The following SPATA20 variants were observed in gnomAD, a reference collection of about 807,000 sequenced individuals.
SPATA20 encodes the protein spermatogenesis-associated protein 20.
Under a neutral mutation model 98.9 loss-of-function variants are expected in SPATA20, and 74 were observed. That is an observed-to-expected ratio of 0.75 (90% CI 0.62 to 0.91). The LOEUF (loss-of-function observed/expected upper bound fraction) is 0.91, where lower values mean the gene tolerates loss of function less well. Ranked by LOEUF, SPATA20 falls within the 40% of genes least tolerant of loss-of-function variation. The pLI is 0.00. For synonymous variants in SPATA20, 430 were observed against 440.5 expected (o/e 0.98, Z 0.30); for missense variants, 1,016 against 1,069.8 (o/e 0.95, Z 0.70).
rs747881694 is a variant in SPATA20 at position 50,551,215 on chromosome 17, GCC to G, written c.1576+26_1576+27del. ...GGTGGGGCAGCACACCTGAGACCGAGCCTGTCTGTAGGATCCCCCTTCACAAA... is the reference window on the plus strand; with the variant it reads ...GGTGGGGCAGCACACCTGAGACCGAGTGTCTGTAGGATCCCCCTTCACAAA... On this transcript the variant is annotated intron_variant, in intron 12 of 16. Coordinates refer to ENST00000006658, the MANE Select transcript of SPATA20 (RefSeq NM_022827.4). The G allele has an allele frequency of 5.0e-6, 8 of 1,590,596 alleles. No homozygotes were observed. The Admixed American group carries it at 5.1e-5, about 10-fold the overall frequency.
Position 50,549,145 on chromosome 17 carries a change from C to G in SPATA20, c.619C>G (p.Arg207Gly). 2 of 1,609,556 alleles carry G rather than the reference C, an allele frequency of 1.2e-6. No individual in the cohort carries two copies. The highest frequency in any genetic ancestry group is 8.5e-7 in the Non-Finnish European group (1 of 1,177,680). Residue 207 changes from arginine to glycine, a missense_variant, in exon 6 of 17, where the codon CGA (arginine) becomes GGA (glycine). By Grantham distance (125) the Arg-to-Gly change is moderately radical. Transcript: ENST00000006658. ...TYFPPEDGLT[R>G]VGFRTVLLRI... ...TTTCCCTCCTGAGGATGGCTTGACC[C>G]GAGTCGGCTTCCGCACAGTGTTGCT...
At chr17:50,547,615 C>T (rs778316090) in intron 1 of SPATA20, 105 bp from the exon 2 acceptor site, 5 of 756,622 alleles carry the variant, frequency 6.6e-6, no homozygotes, top group African/African-American at 3.4e-5. Context: ...CAATAGTACC[C>T]TGTGCCCTGT....
chr17:50,555,777 G>T lies in SPATA20; in HGVS notation c.*115G>T, dbSNP rs2035111505. 2 of 918,378 alleles carry T rather than the reference G, an allele frequency of 2.2e-6. No homozygotes were observed. Among genetic ancestry groups the T allele is most frequent in the Non-Finnish European group, 3.2e-6 (2 of 621,818 alleles). The allele number at this position is 918,378 out of a possible 1,614,324, so 56.9% of individuals were successfully genotyped here. ...CCATCCCTGAGCACCCTGCCACCAG[G>T]TGACCTCGGCCATACTCACTGCCCC... On this transcript the variant is annotated 3_prime_UTR_variant, in exon 17 of 17. Transcript: ENST00000006658.
At chr17:50,550,352 C>T (rs759139329) in intron 9 of SPATA20, 40 bp downstream of exon 9, 2 of 1,496,802 alleles carry the variant, frequency 1.3e-6, no homozygotes, top group Admixed American at 3.6e-5. Flanking sequence ...GCATCTCACT[C>T]TGGCTGCCCC....
intron 8 of SPATA20, 41 bp from the exon 9 acceptor site, chr17:50,550,167 G>A (rs2034988320): frequency 6.2e-7 from 1 of 1,612,394 alleles, no homozygotes; most frequent in African/African-American, 1.3e-5. Flanking sequence ...TGTGGGGTGG[G>A]GCAGAAGCTG....
chr17:50,548,961 G>A lies in SPATA20; in HGVS notation c.513G>A (p.Val171=), dbSNP rs2034962074. The change falls in exon 5 of 17, where the codon GTG becomes GTA. Residue 171 remains valine (V), a synonymous_variant. Coordinates refer to ENST00000006658, the MANE Select transcript of SPATA20 (RefSeq NM_022827.4). The part of the protein sequence containing the change: ...PDVDKVYMTF[V]QATSSGGGWP... The stretch of plus-strand genomic sequence containing the variant: ...TGGACAAGGTGTACATGACGTTCGT[G>A]CAGGTGAGCAGCCCTCCTCGGGAGT... 2 of 1,614,048 alleles carry A rather than the reference G, an allele frequency of 1.2e-6. No homozygotes were observed. Among genetic ancestry groups the A allele is most frequent in the Non-Finnish European group, 1.7e-6 (2 of 1,180,024 alleles).
rs1178030666 is a variant in SPATA20, at chr17:50,555,293, C to T, written c.2219C>T (p.Ser740Phe). The change falls in exon 16 of 17, where the codon TCT becomes TTT. Residue 740 changes from serine (S) to phenylalanine (F), a missense_variant. By Grantham distance (155) the Ser-to-Phe change is radical (BLOSUM62 -2). Transcript: ENST00000006658. ...DTKALVQCVH[S>F]VYIPNKVLIL... ...AAGGCCCTGGTGCAGTGCGTCCACT[C>T]TGTCTACATTCCTAACAAGGTACCC... is the stretch of plus-strand genomic sequence containing the variant. 3.2e-5 allele frequency: 51 copies of T among 1,613,844 alleles called. No individual in the cohort carries two copies. Among genetic ancestry groups the T allele is most frequent in the Non-Finnish European group, 4.2e-5 (50 of 1,179,904 alleles).
In SPATA20 at chr17:50,554,885, CTGTGTGTGTGTGTGTG is replaced by C. The variant is rs3062812; in HGVS notation, c.2158-318_2158-303del. Among the ~76,000 whole-genome samples, 10 of 141,550 alleles carry C rather than the reference CTGTGTGTGTGTGTGTG, an allele frequency of 7.1e-5. No homozygotes were observed. In the South Asian group the frequency reaches 1.0e-3, roughly 15 times the overall value. The allele number at this position is 141,550 out of a possible 152,430, so 92.9% of individuals were successfully genotyped here. ...GTATCTGCCTCTGTGTGGGCATCTA[CTGTGTGTGTGTGTGTG>C]TGTGTGTGTGTGTGTGTGTGTGTGT... On this transcript the variant is annotated intron_variant, in intron 15 of 16. Coordinates refer to ENST00000006658, the MANE Select transcript of SPATA20 (RefSeq NM_022827.4).
chr17:50,548,028 C>G lies in SPATA20; in HGVS notation c.126-255C>G, dbSNP rs536064147. The G allele has an allele frequency of 2.9e-5, 42 of 1,471,238 alleles. No homozygotes were observed. The South Asian group carries it at 5.8e-4, about 20-fold the overall frequency. 91.1% of individuals were successfully genotyped at this position (1,471,238 alleles called of 1,614,324 possible). ...TGACCCGCCCTGACCTCACAGCCATCCTTCCCACCGCCAGGCCCAGGAGGT... is the reference window on the plus strand; with the variant it reads ...TGACCCGCCCTGACCTCACAGCCATGCTTCCCACCGCCAGGCCCAGGAGGT... On this transcript the variant is annotated intron_variant, in intron 2 of 16. Coordinates refer to ENST00000006658, the MANE Select transcript of SPATA20 (RefSeq NM_022827.4).
Position 50,550,123 on chromosome 17 carries a change from G to A in SPATA20, c.993+8G>A, listed in dbSNP as rs1296970856. 1 of 1,612,914 alleles carries A rather than the reference G, an allele frequency of 6.2e-7. No individual in the cohort carries two copies. The highest frequency in any genetic ancestry group is 2.2e-5 in the East Asian group (1 of 44,880). Reference sequence around the variant, plus strand: ...CGGGACCATGTGGGGCAGGTGACGGGCACTGGGTGTTCCCTGGAGGGGCAG... The same window carrying A: ...CGGGACCATGTGGGGCAGGTGACGGACACTGGGTGTTCCCTGGAGGGGCAG... On this transcript the variant is annotated splice_region_variant and intron_variant, in intron 8 of 16. Transcript: ENST00000006658.
chr17:50,554,436 C>T lies in SPATA20; in HGVS notation c.2143C>T (p.Gln715Ter). ...EMVRALSAQQ[Q>*]TLKQIVICGD... ...GGTCCGCGCCCTCTCAGCCCAGCAG[C>T]AGACCCTCAAGCAGGTGGGGGGTGA... is the stretch of plus-strand genomic sequence containing the variant. Residue 715 changes from glutamine to a stop codon, truncating the protein, a stop_gained, in exon 15 of 17, where the codon CAG (glutamine) becomes TAG (stop). Transcript: ENST00000006658. LOFTEE classifies it high-confidence loss of function. 6.2e-7 allele frequency: 1 copy of T among 1,611,930 alleles called. No homozygotes were observed. Among genetic ancestry groups the T allele is most frequent in the Non-Finnish European group, 8.5e-7 (1 of 1,180,026 alleles).
At chr17:50,551,304 A>T in intron 12 of SPATA20, 114 bp downstream of exon 12, 1 of 1,219,008 alleles carries the variant, frequency 8.2e-7, no homozygotes, top group Non-Finnish European at 1.1e-6. Flanking sequence ...TATTATTCTC[A>T]GTTGACAAAA....
intron 16 of SPATA20, 90 bp downstream of exon 16, chr17:50,555,402 T>C: frequency 2.5e-6 from 4 of 1,592,756 alleles, no homozygotes; most frequent in South Asian, 2.2e-5. Flanking sequence ...CCTCAGAATG[T>C]TGGGAAGAGG....
chr17:50,547,553 A>G, intron 1 of SPATA20, 167 bp from the exon 2 acceptor site: 1 of 698,072 alleles, frequency 1.4e-6, no homozygotes, highest in Non-Finnish European at 2.6e-6. Flanking sequence ...CACTGCTTCC[A>G]GGAAGCCTTC....
At position 50,551,201 on chromosome 17, in the gene SPATA20, A is replaced by G. The variant is rs1597871336; in HGVS notation, c.1576+11A>G. ...TGGCTGCCTGGAATGGTGGGGCAGCACACCTGAGACCGAGCCTGTCTGTAG... is the reference window on the plus strand; with the variant it reads ...TGGCTGCCTGGAATGGTGGGGCAGCGCACCTGAGACCGAGCCTGTCTGTAG... On this transcript the variant is annotated intron_variant, in intron 12 of 16. Transcript: ENST00000006658. 6.2e-7 allele frequency: 1 copy of G among 1,602,902 alleles called. No homozygotes were observed. Among genetic ancestry groups the G allele is most frequent in the African/African-American group, 1.3e-5 (1 of 74,706 alleles).
At chr17:50,554,610 T>C (rs916420746) in intron 15 of SPATA20, among the ~76,000 whole-genome samples, 160 bp downstream of exon 15, 1 of 152,088 alleles carries the variant, frequency 6.6e-6, no homozygotes, top group African/African-American at 2.4e-5. Flanking sequence ...CAGAAGTTAA[T>C]ATGAGTCCGT....
chr17:50,549,875 G>T, intron 7 of SPATA20, 110 bp from the exon 8 acceptor site: 2 of 1,237,244 alleles, frequency 1.6e-6, no homozygotes, highest in Non-Finnish European at 2.2e-6. Context: ...TCCAGAGACT[G>T]CCTGTTGAGT....
intron 2 of SPATA20, 133 bp from the exon 3 acceptor site, chr17:50,548,150 T>TG: frequency 1.3e-6 from 2 of 1,492,236 alleles, no homozygotes; most frequent in Non-Finnish European, 1.8e-6. Context: ...GTCTCCCCCA[T>TG]GGTTCAGAAA....
intron 6 of SPATA20, 48 bp downstream of exon 6, chr17:50,549,234 A>G: frequency 6.3e-7 from 1 of 1,597,350 alleles, no homozygotes; most frequent in Non-Finnish European, 8.6e-7. Flanking sequence ...GGACTAGGAA[A>G]CAAGAGCCCC....
Sources: gnomAD v4.1 joint callset for allele counts (sites outside exome capture counted in the v4.1 genomes callset) on GRCh38, gnomAD v4.1.1 for gene constraint, MANE v1.5 for transcripts, NCBI Gene and HGNC (gene_info 2026-07-23, HGNC 2026-07-21) for gene names.